Variants in MYO9A observed in about 807,000 individuals in gnomAD.
The protein encoded by MYO9A is unconventional myosin-IXa.
Under a neutral mutation model 293.3 loss-of-function variants are expected in MYO9A, and 103 were observed. The ratio of observed to expected loss-of-function variants is 0.35; its 90% CI spans 0.30 to 0.41. The LOEUF (loss-of-function observed/expected upper bound fraction) is 0.41, where lower values mean the gene tolerates loss of function less well. Among genes scored for constraint, MYO9A ranks in the 10% least tolerant of loss-of-function variants. MYO9A has a pLI of 1.00. For synonymous variants in MYO9A, 1,001 were observed against 1,035.7 expected (o/e 0.97, Z 0.64); for missense variants, 2,685 against 3,033.0 (o/e 0.89, Z 2.69).
At chr15:72,004,861 C>G (rs150185703) in intron 8 of MYO9A, among the ~76,000 whole-genome samples, 160 of 152,234 alleles carry the variant, frequency 1.1e-3, no homozygotes, top group African/African-American at 3.7e-3. Context: ...TAAACCACTA[C>G]TTTAAAAACA....
Position 72,118,140 on chromosome 15 carries a change from G to GGC in MYO9A, c.-534_-533dup, listed in dbSNP as rs1427171355. On this transcript the variant is annotated 5_prime_UTR_variant, in exon 1 of 42. Coordinates refer to ENST00000356056, the MANE Select transcript of MYO9A (RefSeq NM_006901.4). ...GCGACTCCCCGGCTGCAGGCGAGCA[G>GGC]GCGCGCGCGCACTTACCTCCCACGC... 1 of 377,682 alleles carries GGC rather than the reference G, an allele frequency of 2.6e-6. No homozygotes were observed. Among genetic ancestry groups the GGC allele is most frequent in the Non-Finnish European group, 4.7e-6 (1 of 213,100 alleles). The allele number at this position is 377,682 out of a possible 1,614,324, so 23.4% of individuals were successfully genotyped here. A position where few individuals can be genotyped will look rare whatever the true frequency, so the allele number is the denominator to read the frequency against.
chr15:71,846,770 C>CT (rs1215810692), intron 39 of MYO9A, among the ~76,000 whole-genome samples: 3 of 151,794 alleles, frequency 2.0e-5, no homozygotes, highest in Non-Finnish European at 4.4e-5. Context: ...CCCCCCATTC[C>CT]TTTTTTTGTA....
At chr15:72,093,142 A>G (rs2079969252) in intron 1 of MYO9A, among the ~76,000 whole-genome samples, 2 of 152,230 alleles carry the variant, frequency 1.3e-5, no homozygotes. Flanking sequence ...AAAAGATCAC[A>G]TAGAGAATAT....
intron 1 of MYO9A, among the ~76,000 whole-genome samples, chr15:72,052,613 G>C (rs2149807582): frequency 6.6e-6 from 1 of 152,362 alleles, no homozygotes; most frequent in African/African-American, 2.4e-5. Flanking sequence ...CCAGGGCTCT[G>C]ACACCCTCTT....
At chr15:71,968,804 AG>A (rs1386171447) in intron 12 of MYO9A, among the ~76,000 whole-genome samples, 1 of 152,220 alleles carries the variant, frequency 6.6e-6, no homozygotes, top group Non-Finnish European at 1.5e-5. Context: ...AAGGTTGGGA[AG>A]GGTTTCAAAG....
intron 11 of MYO9A, among the ~76,000 whole-genome samples, chr15:71,988,093 TTG>T (rs1397341370): frequency 6.6e-6 from 1 of 152,220 alleles, no homozygotes; most frequent in Non-Finnish European, 1.5e-5. Flanking sequence ...TAAAGAATGT[TTG>T]TCTTTTTCAA....
At chr15:71,858,737 G>A in intron 34 of MYO9A, 1 of 149,902 alleles carries the variant, frequency 6.7e-6, no homozygotes, top group Non-Finnish European at 1.5e-5. Flanking sequence ...GATAGCATTA[G>A]GAGATATACC....
intron 3 of MYO9A, among the ~76,000 whole-genome samples, chr15:72,032,111 A>ATGTT (rs1456175556): frequency 6.6e-6 from 1 of 152,050 alleles, no homozygotes; most frequent in Non-Finnish European, 1.5e-5. Context: ...TTTTCACTAT[A>ATGTT]TGTTGGTCAG....
At chr15:72,097,769 G>A (rs2080111380) in intron 1 of MYO9A, among the ~76,000 whole-genome samples, 1 of 152,094 alleles carries the variant, frequency 6.6e-6, no homozygotes, top group Admixed American at 6.5e-5. Context: ...AATGAGCTGG[G>A]CATGGTGGCG....
Position 71,963,337 on chromosome 15 carries a change from G to A in MYO9A, c.1987-3241C>T, listed in dbSNP as rs541105215. Among the ~76,000 whole-genome samples, 22 of 152,208 alleles carry A rather than the reference G, an allele frequency of 1.4e-4. 1 individual carries two copies. The South Asian group carries it at 4.1e-3, about 29-fold the overall frequency. ...AGGACTTAAGTGATCCACCCACCTC[G>A]GCCTCCCAAAGTGCTGGGATTACAG... On this transcript the variant is annotated intron_variant, in intron 13 of 41. Transcript: ENST00000356056.
intron 5 of MYO9A, among the ~76,000 whole-genome samples, chr15:72,019,950 C>A (rs932066799): frequency 6.6e-6 from 1 of 152,062 alleles, no homozygotes; most frequent in Non-Finnish European, 1.5e-5. Flanking sequence ...CAAGGTTTCA[C>A]GATGTTGGCC....
intron 38 of MYO9A, 98 bp from the exon 39 acceptor site, chr15:71,849,066 G>C: frequency 8.4e-7 from 1 of 1,195,944 alleles, no homozygotes; most frequent in African/African-American, 1.6e-5. Context: ...GAAAGATGAA[G>C]GAAAAAATTA....
At chr15:72,050,329 C>T (rs558715365) in intron 1 of MYO9A, among the ~76,000 whole-genome samples, 1 of 152,182 alleles carries the variant, frequency 6.6e-6, no homozygotes, top group Non-Finnish European at 1.5e-5. Context: ...ACATTACCAG[C>T]CGGGTGCGGT....
At chr15:71,868,795 G>T (rs1226232002) in intron 32 of MYO9A, among the ~76,000 whole-genome samples, 2 of 152,094 alleles carry the variant, frequency 1.3e-5, no homozygotes, top group Non-Finnish European at 2.9e-5. Context: ...AGAAGACAAA[G>T]GGGGTTGGAG....
intron 13 of MYO9A, among the ~76,000 whole-genome samples, chr15:71,961,130 G>T (rs1264868053): frequency 6.6e-6 from 1 of 152,134 alleles, no homozygotes; most frequent in East Asian, 1.9e-4. Flanking sequence ...ATGGAAAAAA[G>T]GAGGCACAAT....
intron 19 of MYO9A, among the ~76,000 whole-genome samples, chr15:71,915,056 T>C (rs575421997): frequency 5.9e-5 from 9 of 152,158 alleles, no homozygotes; most frequent in Non-Finnish European, 1.0e-4. Flanking sequence ...GTGGATTTGC[T>C]AATCAGGAAA....
chr15:71,979,742 A>G (rs1186213833), intron 11 of MYO9A, among the ~76,000 whole-genome samples: 1 of 152,232 alleles, frequency 6.6e-6, no homozygotes, highest in East Asian at 1.9e-4. Flanking sequence ...CCTTATAGAA[A>G]AAGTGTGCCA....
chr15:71,852,211 A>G lies in MYO9A; in HGVS notation c.6396T>C (p.Ser2132=). The change falls in exon 36 of 42, where the codon AGT becomes AGC. Residue 2132 remains serine, a synonymous_variant. Transcript: ENST00000356056. ...LDDYNIHVIA[S]VFKQWLRDLP... Reference sequence around the variant, plus strand: ...AATCTCGAAGCCATTGTTTGAATACACTTGCAATGACGTGTATGTTATAGT... The same window carrying G: ...AATCTCGAAGCCATTGTTTGAATACGCTTGCAATGACGTGTATGTTATAGT... 6.2e-7 allele frequency: 1 copy of G among 1,613,404 alleles called. No homozygotes were observed. Among genetic ancestry groups the G allele is most frequent in the Non-Finnish European group, 8.5e-7 (1 of 1,179,392 alleles).
intron 33 of MYO9A, among the ~76,000 whole-genome samples, chr15:71,861,436 ATATT>A (rs1416564334): frequency 2.0e-5 from 3 of 148,382 alleles, no homozygotes; most frequent in Non-Finnish European, 4.5e-5. Context: ...TAGGATTTAT[ATATT>A]TAGATATATA....
Sources: gnomAD v4.1 joint callset for allele counts (sites outside exome capture counted in the v4.1 genomes callset) on GRCh38, gnomAD v4.1.1 for gene constraint, MANE v1.5 for transcripts, NCBI Gene and HGNC (gene_info 2026-07-23, HGNC 2026-07-21) for gene names.